Variants in ACER2 observed in about 807,000 individuals in gnomAD.
ACER2 encodes alkCDase 2.
A neutral mutation model predicts 34.7 loss-of-function variants in ACER2; 26 were observed. That is an observed-to-expected ratio of 0.75 (90% confidence interval 0.55 to 1.04). The LOEUF is 1.04. ACER2 is among the 50% of genes least tolerant of loss of function. The probability of loss-of-function intolerance (pLI) is 0.00; values close to 1 mark genes in which losing one functional copy is unlikely to be tolerated. For missense variants in ACER2, 352 were observed against 340.8 expected, an observed-to-expected ratio of 1.03 and a Z score of -0.26; for synonymous variants, 138 against 132.1, an observed-to-expected ratio of 1.04 and a Z score of -0.31.
chr9:19,431,762 C>G (rs1830761555), intron 3 of ACER2, among the ~76,000 whole-genome samples: 1 of 152,232 alleles, frequency 6.6e-6, no homozygotes, highest in African/African-American at 2.4e-5. Flanking sequence ...TCATTCCAGT[C>G]TGAAAGTTGG....
intron 5 of ACER2, among the ~76,000 whole-genome samples, chr9:19,447,700 C>A (rs571828858): frequency 5.3e-5 from 8 of 152,016 alleles, no homozygotes; most frequent in African/African-American, 1.9e-4. Flanking sequence ...AAGTCAAATT[C>A]GAAATTTAAA....
At chr9:19,450,373 G>T (rs1450039536) in intron 5 of ACER2, 77 bp from the exon 6 acceptor site, 4 of 1,446,622 alleles carry the variant, frequency 2.8e-6, no homozygotes, top group African/African-American at 1.4e-5. Context: ...GGTTAGACCG[G>T]AAGAAGGAGC....
intron 4 of ACER2, among the ~76,000 whole-genome samples, chr9:19,439,409 C>T (rs1057342441): frequency 3.4e-5 from 5 of 148,962 alleles, no homozygotes; most frequent in African/African-American, 9.9e-5. Context: ...GGCAAGATCT[C>T]GGCTCACTGT....
At chr9:19,422,606 G>T (rs1250893358) in intron 1 of ACER2, among the ~76,000 whole-genome samples, 1 of 152,156 alleles carries the variant, frequency 6.6e-6, no homozygotes, top group Non-Finnish European at 1.5e-5. Flanking sequence ...CTCGCTTTGT[G>T]TAGGCACAGG....
chr9:19,409,024 C>G lies in ACER2; in HGVS notation c.-61C>G. On this transcript the variant is annotated 5_prime_UTR_variant, in exon 1 of 6. Transcript: ENST00000340967. ...GCTGGCTGTCGCCGCGTTTTGCCTCCGCAGCAGCTCTGGGCTCTTCTCAGC... is the reference window on the plus strand; with the variant it reads ...GCTGGCTGTCGCCGCGTTTTGCCTCGGCAGCAGCTCTGGGCTCTTCTCAGC... 3 of 1,398,966 alleles carry G rather than the reference C, an allele frequency of 2.1e-6. No individual in the cohort carries two copies. The highest frequency in any genetic ancestry group is 2.9e-5 in the South Asian group (2 of 69,358). The allele number at this position is 1,398,966 out of a possible 1,614,324, so 86.7% of individuals were successfully genotyped here.
At chr9:19,417,443 G>A (rs1480226172) in intron 1 of ACER2, among the ~76,000 whole-genome samples, 1 of 152,184 alleles carries the variant, frequency 6.6e-6, no homozygotes, top group Non-Finnish European at 1.5e-5. Flanking sequence ...AACAAAGCTG[G>A]AGGCATCACG....
chr9:19,433,747 C>G (rs949243280), intron 3 of ACER2, among the ~76,000 whole-genome samples: 15 of 152,044 alleles, frequency 9.9e-5, no homozygotes, highest in African/African-American at 3.1e-4. Context: ...AGAGGCACCC[C>G]TCACCTCCCG....
chr9:19,445,764 C>A (rs1458004525), intron 4 of ACER2, among the ~76,000 whole-genome samples: 1 of 152,106 alleles, frequency 6.6e-6, no homozygotes, highest in Non-Finnish European at 1.5e-5. Flanking sequence ...GGCCTTGTGG[C>A]CACTGTGAAT....
At chr9:19,450,200 C>T in intron 5 of ACER2, 4 of 985,376 alleles carry the variant, frequency 4.1e-6, no homozygotes, top group Non-Finnish European at 4.8e-6. Flanking sequence ...TTTATTTGCA[C>T]ATTTGTTCCT....
rs1331498699 is a variant in ACER2, at chr9:19,452,458, C to G, written c.*1822C>G. 6.6e-6 allele frequency among the ~76,000 whole-genome samples: 1 copy of G among 151,930 alleles called. No individual in the cohort carries two copies. The highest frequency in any genetic ancestry group is 2.4e-5 in the African/African-American group (1 of 41,350). ...TGTAGTAAGAAATCTTTGTGGAACC[C>G]CAGTGTGTGAAGTAAATTGTATGTT... On this transcript the variant is annotated 3_prime_UTR_variant, in exon 6 of 6. Transcript: ENST00000340967.
chr9:19,446,219 G>C, intron 4 of ACER2, 62 bp from the exon 5 acceptor site: 1 of 1,613,326 alleles, frequency 6.2e-7, no homozygotes, highest in Non-Finnish European at 8.5e-7. Context: ...CACAGGAAAG[G>C]TGGCCAGCAA....
chr9:19,414,599 A>C (rs1273033278), intron 1 of ACER2, among the ~76,000 whole-genome samples: 1 of 152,100 alleles, frequency 6.6e-6, no homozygotes, highest in Non-Finnish European at 1.5e-5. Flanking sequence ...ATCACTTGAG[A>C]CCAGCCTGAG....
At chr9:19,423,141 C>G (rs998148246) in intron 1 of ACER2, among the ~76,000 whole-genome samples, 1 of 150,848 alleles carries the variant, frequency 6.6e-6, no homozygotes, top group Non-Finnish European at 1.5e-5. Flanking sequence ...GCCTGGAAAA[C>G]ATAGCTAGAC....
At chr9:19,434,560 T>C (rs933377709) in intron 3 of ACER2, among the ~76,000 whole-genome samples, 5 of 152,230 alleles carry the variant, frequency 3.3e-5, no homozygotes, top group Non-Finnish European at 7.3e-5. Context: ...CACTCGCGGT[T>C]AGGAGCTGGA....
intron 3 of ACER2, among the ~76,000 whole-genome samples, chr9:19,425,540 G>A (rs756214957): frequency 6.6e-6 from 1 of 152,186 alleles, no homozygotes; most frequent in African/African-American, 2.4e-5. Context: ...TTCCTCTAAT[G>A]AGCTTACACT....
chr9:19,431,800 T>G (rs1369548942), intron 3 of ACER2, among the ~76,000 whole-genome samples: 1 of 152,258 alleles, frequency 6.6e-6, no homozygotes. Context: ...TCCTGTGCCT[T>G]GATGATGAAT....
chr9:19,438,564 A>G (rs1563887675), intron 4 of ACER2, among the ~76,000 whole-genome samples: 1 of 152,232 alleles, frequency 6.6e-6, no homozygotes. Context: ...CAAACACATA[A>G]TTAAATTGCT....
intron 4 of ACER2, among the ~76,000 whole-genome samples, chr9:19,443,894 T>C (rs539500585): frequency 6.6e-6 from 1 of 152,292 alleles, no homozygotes; most frequent in African/African-American, 2.4e-5. Context: ...TGATCTCAAG[T>C]GATCCTCCCA....
At chr9:19,432,428 A>G (rs1422484403) in intron 3 of ACER2, among the ~76,000 whole-genome samples, 1 of 152,004 alleles carries the variant, frequency 6.6e-6, no homozygotes, top group East Asian at 1.9e-4. Flanking sequence ...CTGTGGGCCA[A>G]AAGGGTTCTG....
Sources: gnomAD v4.1 joint callset for allele counts (sites outside exome capture counted in the v4.1 genomes callset) on GRCh38, gnomAD v4.1.1 for gene constraint, MANE v1.5 for transcripts, NCBI Gene and HGNC (gene_info 2026-07-23, HGNC 2026-07-21) for gene names.